LAMA1: variants seen among roughly 807,000 people sequenced by gnomAD.
LAMA1 encodes the protein laminin subunit alpha-1.
Under a neutral mutation model 348.7 loss-of-function variants are expected in LAMA1, and 219 were observed. That is an observed-to-expected ratio of 0.63 (90% CI 0.56 to 0.70). The LOEUF is 0.70. LAMA1 is among the 30% of genes least tolerant of loss of function. The pLI, the probability that LAMA1 is intolerant of heterozygous loss-of-function variation, is 0.00. For synonymous variants in LAMA1, 1,487 were observed against 1,491.0 expected, an observed-to-expected ratio of 1.00 and a Z score of 0.06; for missense variants, 3,744 against 3,888.0, an observed-to-expected ratio of 0.96 and a Z score of 0.99.
At chr18:7,022,667 T>G (rs1370781157) in intron 19 of LAMA1, among the ~76,000 whole-genome samples, 1 of 152,172 alleles carries the variant, frequency 6.6e-6, no homozygotes, top group African/African-American at 2.4e-5. Flanking sequence ...ATTTCAAGGA[T>G]CGAATTCAGC....
intron 24 of LAMA1, 50 bp downstream of exon 24, chr18:7,011,944 TC>T (rs1568030170): frequency 6.4e-7 from 1 of 1,559,608 alleles, no homozygotes. Flanking sequence ...CCCACCCACC[TC>T]CCAGGGGAGT....
chr18:7,015,848 G>T lies in LAMA1; in HGVS notation c.3000C>A (p.Cys1000Ter). Residue 1000 changes from cysteine to a stop codon, truncating the protein, a stop_gained, in exon 22 of 63, where the codon TGC (cysteine) becomes TGA (stop). Transcript: ENST00000389658. LOFTEE classifies it high-confidence loss of function. The part of the protein sequence containing the change: ...YQDGSCTPCD[C>*]PHTQNTCDPE... ...GGTCGCAGGTATTCTGAGTGTGTGG[G>T]CAGTCACAGGCTGAAATAAAGATGA... The T allele has an allele frequency of 6.2e-7, 1 of 1,614,134 alleles. No individual in the cohort carries two copies.
At position 6,944,032 on chromosome 18, in the gene LAMA1, T is replaced by C. The variant is rs569007407; in HGVS notation, c.8845-630A>G. 6.5e-4 allele frequency among the ~76,000 whole-genome samples: 99 copies of C among 152,092 alleles called. 1 individual carries two copies. Among genetic ancestry groups the C allele is most frequent in the Non-Finnish European group, 1.2e-3 (81 of 67,996 alleles). On this transcript the variant is annotated intron_variant, in intron 61 of 62. Transcript: ENST00000389658. ...TGGTCATACTTTCATTTTTTTTCTT[T>C]GAGATGGAGCTTCGCTCCTGTTGTC...
In LAMA1 at chr18:6,992,479, C is replaced by T. The variant is rs1438590846; in HGVS notation, c.5168+82G>A. 1.4e-5 allele frequency: 21 copies of T among 1,487,386 alleles called. 1 individual carries two copies. Among genetic ancestry groups the T allele is most frequent in the South Asian group, 4.5e-5 (4 of 88,440 alleles). 92.1% of individuals were successfully genotyped at this position (1,487,386 alleles called of 1,614,324 possible). A position where few individuals can be genotyped will look rare whatever the true frequency, so the allele number is the denominator to read the frequency against. ...ATTTCCAGTGAGCACTTTTCTTCCA[C>T]GATGCCTCCTTCTCCTTTGGAGATA... is the stretch of plus-strand genomic sequence containing the variant. On this transcript the variant is annotated intron_variant, in intron 36 of 62. Coordinates refer to ENST00000389658, the MANE Select transcript of LAMA1 (RefSeq NM_005559.4).
rs989088383 is a variant in LAMA1 at position 6,974,459 on chromosome 18, T to C, written c.6623+444A>G. On this transcript the variant is annotated intron_variant, in intron 46 of 62. Transcript: ENST00000389658. ...TAACAAATGCTTATTTCTTTTCTTTTTTTTTTTTTTTTTTGAGATGGGAGT... is the reference window on the plus strand; with the variant it reads ...TAACAAATGCTTATTTCTTTTCTTTCTTTTTTTTTTTTTTGAGATGGGAGT... Among the ~76,000 whole-genome samples the C allele has an allele frequency of 6.8e-5, 10 of 146,384 alleles. No homozygotes were observed. In the East Asian group the frequency reaches 1.2e-3, roughly 17 times the overall value.
intron 1 of LAMA1, among the ~76,000 whole-genome samples, chr18:7,097,632 T>C (rs1262336871): frequency 6.6e-6 from 1 of 152,002 alleles, no homozygotes; most frequent in Non-Finnish European, 1.5e-5. Context: ...CAAAACTTAC[T>C]ATAAAGCCAA....
chr18:7,053,100 A>G (rs2058068500), intron 3 of LAMA1, among the ~76,000 whole-genome samples: 1 of 152,226 alleles, frequency 6.6e-6, no homozygotes, highest in South Asian at 2.1e-4. Context: ...TACATACTAT[A>G]TGATTCCAAC....
chr18:6,961,847 T>C (rs560268130), intron 52 of LAMA1, 88 bp from the exon 53 acceptor site: 1 of 1,571,912 alleles, frequency 6.4e-7, no homozygotes, highest in Non-Finnish European at 8.8e-7. Context: ...TTCCCCATCA[T>C]CTCTTTTCTA....
chr18:6,950,882 A>G lies in LAMA1; in HGVS notation c.8297T>C (p.Leu2766Pro), dbSNP rs77885852. ...AHQNQADYAVLQLHGGRLHFM... is the reference protein window; with the variant it reads ...AHQNQADYAVPQLHGGRLHFM... ...GTGGAGGCGGCCCCCGTGCAGCTGGAGCACAGCGTAGTCTGCTTGGTTCTG... is the reference window on the plus strand; with the variant it reads ...GTGGAGGCGGCCCCCGTGCAGCTGGGGCACAGCGTAGTCTGCTTGGTTCTG... The change falls in exon 58 of 63, where the codon CTC (leucine) becomes CCC (proline). Residue 2766 changes from leucine (L) to proline (P), a missense_variant. Coordinates refer to ENST00000389658, the MANE Select transcript of LAMA1 (RefSeq NM_005559.4). 6.2e-7 allele frequency: 1 copy of G among 1,614,160 alleles called. No homozygotes were observed. The highest frequency in any genetic ancestry group is 8.5e-7 in the Non-Finnish European group (1 of 1,180,034).
intron 3 of LAMA1, among the ~76,000 whole-genome samples, chr18:7,079,063 G>A (rs2058182566): frequency 6.6e-6 from 1 of 152,130 alleles, no homozygotes; most frequent in Non-Finnish European, 1.5e-5. Flanking sequence ...AAAGAATTCT[G>A]ATTGTCATTA....
Position 7,025,828 on chromosome 18 carries a change from C to G in LAMA1, c.2402+151G>C, listed in dbSNP as rs892360542. 6.0e-6 allele frequency: 7 copies of G among 1,161,872 alleles called. No individual in the cohort carries two copies. The African/African-American group carries it at 9.1e-5, about 15-fold the overall frequency. 72.0% of individuals were successfully genotyped at this position (1,161,872 alleles called of 1,614,324 possible). ...AAACGTTGGTTTACAAGAAAATAAC[C>G]CACCCCTCTGTCTTTAATCCAAATC... On this transcript the variant is annotated intron_variant, in intron 17 of 62. Transcript: ENST00000389658.
At chr18:7,096,700 T>C (rs2058262614) in intron 1 of LAMA1, among the ~76,000 whole-genome samples, 2 of 152,078 alleles carry the variant, frequency 1.3e-5, no homozygotes. Flanking sequence ...TGTGTATATA[T>C]ATAAAATATA....
intron 49 of LAMA1, 84 bp from the exon 50 acceptor site, chr18:6,965,516 T>C: frequency 6.6e-7 from 1 of 1,504,858 alleles, no homozygotes; most frequent in Non-Finnish European, 9.2e-7. Context: ...GGCTGAAACC[T>C]TCTAAAGTCA....
rs2057502425 is a variant in LAMA1, at chr18:6,942,328, G to C, written c.9068-89C>G. The C allele has an allele frequency of 2.1e-5, 29 of 1,408,860 alleles. No individual in the cohort carries two copies. In the South Asian group the frequency reaches 3.5e-4, roughly 17 times the overall value. The allele number at this position is 1,408,860 out of a possible 1,614,324, so 87.3% of individuals were successfully genotyped here. On this transcript the variant is annotated intron_variant, in intron 62 of 62. Coordinates refer to ENST00000389658, the MANE Select transcript of LAMA1 (RefSeq NM_005559.4). Reference sequence around the variant, plus strand: ...AAAGCAACAGAAATAATCTCAAGCGGGTTTTTTTATTTTTTAAATTTTTCA... The same window carrying C: ...AAAGCAACAGAAATAATCTCAAGCGCGTTTTTTTATTTTTTAAATTTTTCA...
In LAMA1 at chr18:7,010,250, G is replaced by A. The variant is rs1342789258; in HGVS notation, c.3823C>T (p.Pro1275Ser). 2 of 1,614,088 alleles carry A rather than the reference G, an allele frequency of 1.2e-6. No individual in the cohort carries two copies. The highest frequency in any genetic ancestry group is 1.7e-5 in the Admixed American group (1 of 60,004). ...TGTCTCACTCCATTCTCTGGGGCTG[G>A]TGCATCCATGTAAATGACTTGCTTT... is the stretch of plus-strand genomic sequence containing the variant. Reference protein sequence around the residue: ...IRKQVIYMDAPAPENGVRQEQ... With the variant: ...IRKQVIYMDASAPENGVRQEQ... Residue 1275 changes from proline (P) to serine (S), a missense_variant, in exon 26 of 63, where the codon CCA (proline) becomes TCA (serine). By Grantham distance (74) the Pro-to-Ser change is moderately conservative (BLOSUM62 -1). Transcript: ENST00000389658.
intron 16 of LAMA1, among the ~76,000 whole-genome samples, chr18:7,027,491 C>G (rs1831780): frequency 0.4 from 59,840 of 150,560 alleles, 12,613 homozygotes; most frequent in African/African-American, 0.52. Context: ...AAATAAAGAG[C>G]TGGGTTTTTT....
intron 17 of LAMA1, among the ~76,000 whole-genome samples, chr18:7,025,192 G>C (rs2057936846): frequency 6.6e-6 from 1 of 152,176 alleles, no homozygotes; most frequent in Non-Finnish European, 1.5e-5. Flanking sequence ...ATAAGACCTT[G>C]CCTGGTACAT....
chr18:7,094,900 C>T (rs1019897508), intron 1 of LAMA1, among the ~76,000 whole-genome samples: 7 of 152,008 alleles, frequency 4.6e-5, no homozygotes, highest in Non-Finnish European at 8.8e-5. Flanking sequence ...AAATTCAAGA[C>T]CAATACACTG....
In LAMA1 at chr18:7,046,657, A is replaced by G. The variant is rs188863978; in HGVS notation, c.769-290T>C. Among the ~76,000 whole-genome samples, 7 of 152,318 alleles carry G rather than the reference A, an allele frequency of 4.6e-5. No homozygotes were observed. The East Asian group carries it at 1.3e-3, about 29-fold the overall frequency. ...TCAAAACTCATTATTGAAAACCGTA[A>G]AATAATTGGCAAATTGAATACAGCA... On this transcript the variant is annotated intron_variant, in intron 5 of 62. Coordinates refer to ENST00000389658, the MANE Select transcript of LAMA1 (RefSeq NM_005559.4).
Sources: gnomAD v4.1 joint callset for allele counts (sites outside exome capture counted in the v4.1 genomes callset) on GRCh38, gnomAD v4.1.1 for gene constraint, MANE v1.5 for transcripts, NCBI Gene and HGNC (gene_info 2026-07-23, HGNC 2026-07-21) for gene names.